LRP1B: variants seen among roughly 807,000 people sequenced by gnomAD.
The protein encoded by LRP1B is low-density lipoprotein receptor-related protein 1B.
In LRP1B, 217 loss-of-function variants were observed where a neutral mutation model predicts 556.6. That is an observed-to-expected ratio of 0.39 (90% confidence interval 0.35 to 0.44). The LOEUF is 0.44. LRP1B is among the 20% of genes least tolerant of loss of function. The pLI is 1.00. For missense variants in LRP1B, 5,053 were observed against 5,620.8 expected, an observed-to-expected ratio of 0.90 and a Z score of 3.23; for synonymous variants, 2,047 against 1,865.8, an observed-to-expected ratio of 1.10 and a Z score of -2.50.
At chr2:141,306,299 C>T (rs937183287) in intron 3 of LRP1B, among the ~76,000 whole-genome samples, 4 of 151,998 alleles carry the variant, frequency 2.6e-5, no homozygotes, top group African/African-American at 4.8e-5. Context: ...ATTACTGTTT[C>T]AATTTTATCA....
chr2:141,399,492 A>G (rs1453977520), intron 3 of LRP1B, among the ~76,000 whole-genome samples: 1 of 152,180 alleles, frequency 6.6e-6, no homozygotes, highest in Admixed American at 6.5e-5. Flanking sequence ...CAGCGGCTAC[A>G]TCCCCAAACT....
intron 2 of LRP1B, among the ~76,000 whole-genome samples, chr2:141,681,934 A>G (rs1691119516): frequency 6.6e-6 from 1 of 152,194 alleles, no homozygotes. Context: ...AATATCCTCA[A>G]TGCAGCCAGA....
chr2:140,609,638 A>C (rs1682997963), intron 41 of LRP1B, among the ~76,000 whole-genome samples: 1 of 152,218 alleles, frequency 6.6e-6, no homozygotes, highest in African/African-American at 2.4e-5. Flanking sequence ...TGGAAGCCTA[A>C]GCAATCGTCT....
chr2:140,770,664 C>G (rs1689278458), intron 34 of LRP1B, among the ~76,000 whole-genome samples: 1 of 151,882 alleles, frequency 6.6e-6, no homozygotes, highest in Admixed American at 6.6e-5. Context: ...GCTAAAATGA[C>G]TAAAAAATTA....
intron 3 of LRP1B, among the ~76,000 whole-genome samples, chr2:141,319,873 C>G (rs991533157): frequency 4.6e-5 from 7 of 152,022 alleles, no homozygotes; most frequent in African/African-American, 1.7e-4. Flanking sequence ...ATTAGAAAAC[C>G]TAAATCCTAA....
intron 3 of LRP1B, among the ~76,000 whole-genome samples, chr2:141,473,622 T>C (rs889655518): frequency 6.6e-6 from 1 of 152,188 alleles, no homozygotes; most frequent in Admixed American, 6.5e-5. Context: ...AATCTACTCT[T>C]AACTTGTAAG....
At chr2:140,475,464 A>G in intron 59 of LRP1B, 127 bp from the exon 60 acceptor site, 1 of 604,196 alleles carries the variant, frequency 1.7e-6, no homozygotes, top group Non-Finnish European at 2.7e-6. Context: ...TGCAGCTTTT[A>G]AGAAACATCC....
At chr2:141,050,143 A>C (rs1698993228) in intron 10 of LRP1B, among the ~76,000 whole-genome samples, 1 of 151,898 alleles carries the variant, frequency 6.6e-6, no homozygotes, top group Admixed American at 6.6e-5. Flanking sequence ...TTGGATAACA[A>C]CACAATAATT....
Position 141,819,256 on chromosome 2 carries a change from CAAAA to C in LRP1B, c.83-8859_83-8856del, listed in dbSNP as rs201026416. 3.1e-3 allele frequency among the ~76,000 whole-genome samples: 459 copies of C among 148,900 alleles called. 2 individuals carry two copies. Among genetic ancestry groups the C allele is most frequent in the African/African-American group, 0.011 (432 of 40,390 alleles). ...CATCTCAAACAAACAAACAAACAAA[CAAAA>C]AAAAAAACAAAAAACTTTCCCAGTG... On this transcript the variant is annotated intron_variant, in intron 1 of 90. Coordinates refer to ENST00000389484, the MANE Select transcript of LRP1B (RefSeq NM_018557.3).
intron 41 of LRP1B, among the ~76,000 whole-genome samples, chr2:140,639,381 T>C (rs566898773): frequency 6.6e-6 from 1 of 152,242 alleles, no homozygotes; most frequent in African/African-American, 2.4e-5. Context: ...GGTTGAACAC[T>C]CTTGAGTTGA....
At chr2:141,791,334 T>C (rs1695602254) in intron 2 of LRP1B, among the ~76,000 whole-genome samples, 1 of 151,962 alleles carries the variant, frequency 6.6e-6, no homozygotes, top group African/African-American at 2.4e-5. Flanking sequence ...AAAACCACTT[T>C]TTTCCAACTT....
Position 140,305,179 on chromosome 2 carries a change from C to T in LRP1B, c.12806-7210G>A, listed in dbSNP as rs1057506599. 2.6e-4 allele frequency among the ~76,000 whole-genome samples: 39 copies of T among 152,136 alleles called. 1 individual carries two copies. The highest frequency in any genetic ancestry group is 2.6e-3 in the Admixed American group (39 of 15,260). On this transcript the variant is annotated intron_variant, in intron 83 of 90. Transcript: ENST00000389484. ...CATATGAACTTTAAAGTAGTTTTCT[C>T]CAATTCTGTGAAGAAAGTCATTGTT...
At chr2:140,571,880 T>G (rs1388107233) in intron 43 of LRP1B, among the ~76,000 whole-genome samples, 1 of 151,630 alleles carries the variant, frequency 6.6e-6, no homozygotes, top group Non-Finnish European at 1.5e-5. Context: ...GACAAAGACT[T>G]GAAGAATATT....
At chr2:141,635,488 C>T (rs913108774) in intron 2 of LRP1B, among the ~76,000 whole-genome samples, 21 of 152,150 alleles carry the variant, frequency 1.4e-4, no homozygotes, top group African/African-American at 4.6e-4. Flanking sequence ...ACTAGCACCT[C>T]TGTTCACTTA....
At chr2:141,646,906 C>T (rs943977030) in intron 2 of LRP1B, among the ~76,000 whole-genome samples, 1 of 152,158 alleles carries the variant, frequency 6.6e-6, no homozygotes, top group Non-Finnish European at 1.5e-5. Context: ...GGGGAACAAG[C>T]TCCAGCTTTG....
intron 83 of LRP1B, among the ~76,000 whole-genome samples, chr2:140,306,831 C>T (rs970224200): frequency 2.0e-4 from 30 of 152,042 alleles, no homozygotes; most frequent in East Asian, 1.4e-3. Context: ...GCTTTAAATG[C>T]GTCCCAGAGA....
intron 3 of LRP1B, among the ~76,000 whole-genome samples, chr2:141,298,466 T>C (rs1341921840): frequency 6.6e-6 from 1 of 152,070 alleles, no homozygotes; most frequent in Non-Finnish European, 1.5e-5. Context: ...CACAAAAAAT[T>C]AGGACACTAA....
intron 2 of LRP1B, among the ~76,000 whole-genome samples, chr2:141,677,230 G>T (rs1690917631): frequency 6.6e-6 from 1 of 152,076 alleles, no homozygotes; most frequent in Non-Finnish European, 1.5e-5. Context: ...AAAAAATTGA[G>T]CCTGAAAGTC....
intron 1 of LRP1B, among the ~76,000 whole-genome samples, chr2:142,048,820 T>C (rs1404996274): frequency 1.3e-5 from 2 of 152,102 alleles, no homozygotes; most frequent in Non-Finnish European, 2.9e-5. Flanking sequence ...AAGATGAGTG[T>C]ATTTACAATG....
Sources: gnomAD v4.1 joint callset for allele counts (sites outside exome capture counted in the v4.1 genomes callset) on GRCh38, gnomAD v4.1.1 for gene constraint, MANE v1.5 for transcripts, NCBI Gene and HGNC (gene_info 2026-07-23, HGNC 2026-07-21) for gene names.